Variants in CAMKMT observed in about 807,000 individuals in gnomAD.
CAMKMT encodes the protein calmodulin-lysine N-methyltransferase.
Under a neutral mutation model 48.0 loss-of-function variants are expected in CAMKMT, and 53 were observed. That is an observed-to-expected ratio of 1.10 (90% confidence interval 0.89 to 1.39). CAMKMT has a LOEUF of 1.39. Among genes scored for constraint, CAMKMT ranks in the 40% most tolerant of loss-of-function variants. The probability of loss-of-function intolerance (pLI) is 0.00; values close to 1 mark genes in which losing one functional copy is unlikely to be tolerated. For synonymous variants in CAMKMT, 165 were observed against 152.3 expected (o/e 1.08, Z -0.61); for missense variants, 428 against 402.7 (o/e 1.06, Z -0.54).
At chr2:44,670,784 G>C (rs940918018) in intron 3 of CAMKMT, among the ~76,000 whole-genome samples, 2 of 152,198 alleles carry the variant, frequency 1.3e-5, no homozygotes. Flanking sequence ...AAAGTCCCTA[G>C]GTTATGCTGC....
intron 3 of CAMKMT, among the ~76,000 whole-genome samples, chr2:44,477,653 A>G (rs1186990850): frequency 1.3e-5 from 2 of 152,164 alleles, no homozygotes; most frequent in African/African-American, 4.8e-5. Flanking sequence ...CTATTCCTCC[A>G]TTTTGCCTAG....
chr2:44,712,797 G>T (rs972626989), intron 6 of CAMKMT, among the ~76,000 whole-genome samples: 1 of 152,098 alleles, frequency 6.6e-6, no homozygotes, highest in Non-Finnish European at 1.5e-5. Flanking sequence ...AATGTGATTG[G>T]ATTTCCTTTA....
intron 3 of CAMKMT, among the ~76,000 whole-genome samples, chr2:44,583,729 A>C (rs1669698033): frequency 6.6e-6 from 1 of 152,060 alleles, no homozygotes; most frequent in Non-Finnish European, 1.5e-5. Flanking sequence ...CCAGAAGTTC[A>C]AGGCTGCAGT....
chr2:44,760,693 A>G (rs1680582616), intron 9 of CAMKMT, among the ~76,000 whole-genome samples: 1 of 151,342 alleles, frequency 6.6e-6, no homozygotes, highest in African/African-American at 2.4e-5. Context: ...GGTAACGGAG[A>G]GCCATTGAAA....
At chr2:44,644,671 A>C (rs1372176372) in intron 3 of CAMKMT, among the ~76,000 whole-genome samples, 1 of 152,112 alleles carries the variant, frequency 6.6e-6, no homozygotes, top group Non-Finnish European at 1.5e-5. Flanking sequence ...TGCACTGTTA[A>C]TATTATTCTG....
chr2:44,707,354 A>G (rs1276846156), intron 5 of CAMKMT, 45 bp from the exon 6 acceptor site: 1 of 1,570,516 alleles, frequency 6.4e-7, no homozygotes, highest in South Asian at 1.1e-5. Flanking sequence ...CCACACAGAC[A>G]AGCATATTTG....
chr2:44,380,322 A>G (rs1187690676), intron 2 of CAMKMT, among the ~76,000 whole-genome samples: 1 of 152,042 alleles, frequency 6.6e-6, no homozygotes, highest in African/African-American at 2.4e-5. Context: ...ACAAAGATAG[A>G]GTGAACTTTT....
At chr2:44,405,292 A>T (rs1682705599) in intron 3 of CAMKMT, among the ~76,000 whole-genome samples, 1 of 152,094 alleles carries the variant, frequency 6.6e-6, no homozygotes, top group South Asian at 2.1e-4. Context: ...AAACAGTCTG[A>T]CAGCTGTACT....
chr2:44,379,008 C>G (rs1183449263), intron 2 of CAMKMT, among the ~76,000 whole-genome samples: 1 of 152,216 alleles, frequency 6.6e-6, no homozygotes, highest in Non-Finnish European at 1.5e-5. Flanking sequence ...GCCTTCACCA[C>G]TATTCCAGAA....
chr2:44,596,426 G>T (rs1319584406), intron 3 of CAMKMT, among the ~76,000 whole-genome samples: 1 of 151,610 alleles, frequency 6.6e-6, no homozygotes, highest in African/African-American at 2.4e-5. Flanking sequence ...TCCAGGCTGG[G>T]TAACAGAGCG....
intron 3 of CAMKMT, among the ~76,000 whole-genome samples, chr2:44,424,778 G>C (rs1488981153): frequency 3.3e-5 from 5 of 152,166 alleles, no homozygotes; most frequent in Non-Finnish European, 7.3e-5. Flanking sequence ...GGTGAGACGG[G>C]AGTAAGGGAT....
chr2:44,749,929 C>T (rs148986891), intron 8 of CAMKMT, among the ~76,000 whole-genome samples: 85 of 152,268 alleles, frequency 5.6e-4, no homozygotes, highest in African/African-American at 2.0e-3. Context: ...GTCTGACCTG[C>T]AGCATTAGAA....
At chr2:44,487,471 C>T (rs928451748) in intron 3 of CAMKMT, among the ~76,000 whole-genome samples, 4 of 152,040 alleles carry the variant, frequency 2.6e-5, no homozygotes, top group Admixed American at 1.3e-4. Context: ...TATATTTCTA[C>T]CACTGACATG....
intron 3 of CAMKMT, among the ~76,000 whole-genome samples, chr2:44,485,477 A>G (rs1405797032): frequency 6.6e-6 from 1 of 152,212 alleles, no homozygotes; most frequent in African/African-American, 2.4e-5. Flanking sequence ...TCACTTAACA[A>G]TGGCGATACG....
intron 3 of CAMKMT, among the ~76,000 whole-genome samples, chr2:44,514,229 A>G (rs1670722515): frequency 6.6e-6 from 1 of 152,138 alleles, no homozygotes; most frequent in Non-Finnish European, 1.5e-5. Context: ...CGGGGCTAGG[A>G]CCTATATCCA....
intron 3 of CAMKMT, among the ~76,000 whole-genome samples, chr2:44,647,907 CAAAAAAAA>C (rs756753917): frequency 6.8e-5 from 2 of 29,524 alleles, no homozygotes; most frequent in African/African-American, 1.2e-4. Flanking sequence ...GACTCCGTCT[CAAAAAAAA>C]AAAAAAAAAA....
intron 3 of CAMKMT, among the ~76,000 whole-genome samples, chr2:44,495,577 A>C (rs759491452): frequency 6.6e-6 from 1 of 152,242 alleles, no homozygotes; most frequent in Non-Finnish European, 1.5e-5. Flanking sequence ...TGGTAATCTA[A>C]CTTTGGGTTT....
At chr2:44,708,865 A>G (rs1677715766) in intron 6 of CAMKMT, among the ~76,000 whole-genome samples, 1 of 152,020 alleles carries the variant, frequency 6.6e-6, no homozygotes, top group African/African-American at 2.4e-5. Context: ...TATTTTAGCC[A>G]CAGAAACTTT....
chr2:44,768,799 G>A (rs1680974992), intron 10 of CAMKMT, among the ~76,000 whole-genome samples: 1 of 152,106 alleles, frequency 6.6e-6, no homozygotes, highest in South Asian at 2.1e-4. Context: ...CTCCATCTCT[G>A]GCCAAAGCCC....
Sources: gnomAD v4.1 joint callset for allele counts (sites outside exome capture counted in the v4.1 genomes callset) on GRCh38, gnomAD v4.1.1 for gene constraint, MANE v1.5 for transcripts, NCBI Gene and HGNC (gene_info 2026-07-23, HGNC 2026-07-21) for gene names.